The following RBP7 variants were observed in gnomAD, a reference collection of about 807,000 sequenced individuals.
The protein encoded by RBP7 is retinoid-binding protein 7.
Under a neutral mutation model 16.7 loss-of-function variants are expected in RBP7, and 13 were observed. The observed-to-expected ratio is 0.78, with a 90% CI of 0.51 to 1.24. The LOEUF (loss-of-function observed/expected upper bound fraction) is 1.24, where lower values mean the gene tolerates loss of function less well. Among genes scored for constraint, RBP7 ranks in the 50% most tolerant of loss-of-function variants. The pLI is 0.00. For missense variants in RBP7, 145 were observed against 159.5 expected (o/e 0.91, Z 0.49); for synonymous variants, 54 against 56.2 (o/e 0.96, Z 0.17).
Position 9,997,401 on chromosome 1 carries a change from G to A in RBP7, c.73+70G>A. The A allele has an allele frequency of 1.3e-6, 2 of 1,484,944 alleles. No individual in the cohort carries two copies. The highest frequency in any genetic ancestry group is 1.9e-6 in the Non-Finnish European group (2 of 1,070,720). The allele number at this position is 1,484,944 out of a possible 1,614,324, so 92.0% of individuals were successfully genotyped here. A position where few individuals can be genotyped will look rare whatever the true frequency, so the allele number is the denominator to read the frequency against. On this transcript the variant is annotated intron_variant, in intron 1 of 3. Coordinates refer to ENST00000294435, the MANE Select transcript of RBP7 (RefSeq NM_052960.3). The surrounding 1 kb of genome is among the most constrained non-coding windows in gnomAD (Gnocchi z 5.9). ...TCTCGGGATCAGGCGAAGGCGGCCG[G>A]GCCGGGCCTGTAGGTACGTCCTCTG...
intron 1 of RBP7, among the ~76,000 whole-genome samples, chr1:10,001,102 G>T (rs538474963): frequency 2.0e-5 from 3 of 152,114 alleles, no homozygotes; most frequent in African/African-American, 7.2e-5. Flanking sequence ...GGTCAAATAA[G>T]TCACCAGCAA....
chr1:10,000,439 C>A (rs1414568041), intron 1 of RBP7, among the ~76,000 whole-genome samples: 1 of 151,704 alleles, frequency 6.6e-6, no homozygotes, highest in Non-Finnish European at 1.5e-5. Context: ...GAGGCTGAGG[C>A]ACGAGAATCG....
intron 3 of RBP7, among the ~76,000 whole-genome samples, chr1:10,012,659 A>T (rs983897150): frequency 2.8e-4 from 42 of 151,398 alleles, no homozygotes; most frequent in Admixed American, 7.3e-4. Flanking sequence ...AAGGCTGGGC[A>T]TGGTGGCTCA....
intron 3 of RBP7, among the ~76,000 whole-genome samples, chr1:10,014,576 A>G (rs1250707309): frequency 6.6e-6 from 1 of 151,810 alleles, no homozygotes; most frequent in Non-Finnish European, 1.5e-5. Context: ...TAGTACAGAC[A>G]GGGTTTTGCC....
chr1:10,002,197 G>A (rs2101732892), intron 1 of RBP7, among the ~76,000 whole-genome samples: 1 of 152,246 alleles, frequency 6.6e-6, no homozygotes, highest in South Asian at 2.1e-4. Context: ...AAGTGGCTTT[G>A]AGATTGAAGG....
intron 1 of RBP7, among the ~76,000 whole-genome samples, chr1:9,999,641 G>A (rs1642229724): frequency 6.6e-6 from 1 of 152,004 alleles, no homozygotes; most frequent in Admixed American, 6.6e-5. Context: ...TTCTGAGGTC[G>A]CCTATCCAGA....
At chr1:9,999,650 G>A (rs1642229778) in intron 1 of RBP7, among the ~76,000 whole-genome samples, 1 of 152,116 alleles carries the variant, frequency 6.6e-6, no homozygotes, top group Admixed American at 6.6e-5. Flanking sequence ...CGCCTATCCA[G>A]AAACCCTTAA....
Position 9,997,478 on chromosome 1 carries a change from G to T in RBP7, c.73+147G>T, listed in dbSNP as rs1181486390. The T allele has an allele frequency of 5.7e-5, 41 of 718,018 alleles. No individual in the cohort carries two copies. The highest frequency in any genetic ancestry group is 6.0e-5 in the Non-Finnish European group (26 of 435,544). The allele number at this position is 718,018 out of a possible 1,614,324, so 44.5% of individuals were successfully genotyped here. ...CCGTCGCCCAGTCGCCCCCGAGTCC[G>T]CTGGTCCTTGGCGCCTCCGTCCATC... On this transcript the variant is annotated intron_variant, in intron 1 of 3. Transcript: ENST00000294435. This position sits in a 1 kb window ranked among gnomAD's most constrained non-coding sequence, Gnocchi z 5.9.
intron 3 of RBP7, among the ~76,000 whole-genome samples, chr1:10,010,976 G>A (rs866754007): frequency 4.6e-5 from 7 of 152,004 alleles, no homozygotes; most frequent in East Asian, 3.9e-4. Context: ...TGATCTGCCC[G>A]CCTTGGCCTC....
At chr1:10,008,620 T>A (rs1419426873) in intron 3 of RBP7, among the ~76,000 whole-genome samples, 1 of 151,608 alleles carries the variant, frequency 6.6e-6, no homozygotes, top group African/African-American at 2.4e-5. Flanking sequence ...TTTGTATTTT[T>A]AGTGGAGACG....
intron 2 of RBP7, 79 bp from the exon 3 acceptor site, chr1:10,008,094 A>G: frequency 1.1e-6 from 1 of 908,130 alleles, no homozygotes; most frequent in Non-Finnish European, 1.8e-6. Flanking sequence ...TGATTTTGCA[A>G]GGGTAACTTG....
chr1:10,012,304 C>T (rs1642645756), intron 3 of RBP7, among the ~76,000 whole-genome samples: 1 of 151,492 alleles, frequency 6.6e-6, no homozygotes, highest in Admixed American at 6.6e-5. Flanking sequence ...TCGCTTGAAC[C>T]CGGGAGGCAG....
intron 1 of RBP7, among the ~76,000 whole-genome samples, chr1:10,002,782 G>T (rs1570730003): frequency 6.6e-6 from 1 of 152,118 alleles, no homozygotes; most frequent in Non-Finnish European, 1.5e-5. Context: ...GGAATTACAG[G>T]CCTGAGCCAC....
intron 3 of RBP7, among the ~76,000 whole-genome samples, chr1:10,012,480 G>A (rs1642651966): frequency 6.6e-6 from 1 of 152,128 alleles, no homozygotes; most frequent in African/African-American, 2.4e-5. Context: ...TAGTTGGTTT[G>A]TAAGAGGTAA....
At position 10,007,596 on chromosome 1, in the gene RBP7, GC is replaced by G. The variant is rs753697910; in HGVS notation, c.102del (p.Lys35SerfsTer3). 3.6e-5 allele frequency: 58 copies of G among 1,611,094 alleles called. No individual in the cohort carries two copies. Among genetic ancestry groups the G allele is most frequent in the Non-Finnish European group, 4.7e-5 (56 of 1,179,230 alleles). ...LGIDFATRKI[A>X]KLLKPQKVIE... ...TATTGACTTTGCCACTCGTAAAATAGCCAAGTTGCTGAAGCCACAGAAAGTG... is the reference window on the plus strand; with the variant it reads ...TATTGACTTTGCCACTCGTAAAATAGCAAGTTGCTGAAGCCACAGAAAGTG... On this transcript the variant is annotated frameshift_variant, in exon 2 of 4. Transcript: ENST00000294435. LOFTEE classifies it high-confidence loss of function.
rs1021780534 is a variant in RBP7, at chr1:10,003,420, C to T, written c.74-4150C>T. On this transcript the variant is annotated intron_variant, in intron 1 of 3. Coordinates refer to ENST00000294435, the MANE Select transcript of RBP7 (RefSeq NM_052960.3). ...TCCAGCCTGGGTGACAAGAGCAAAA[C>T]TCTGTCTGAATAAACAAACAAACAA... Among the ~76,000 whole-genome samples, 15 of 152,092 alleles carry T rather than the reference C, an allele frequency of 9.9e-5. No homozygotes were observed. The East Asian group carries it at 2.9e-3, about 29-fold the overall frequency.
Position 10,015,934 on chromosome 1 carries a change from G to C in RBP7, c.*102G>C. 1.8e-6 allele frequency: 2 copies of C among 1,098,540 alleles called. No homozygotes were observed. Among genetic ancestry groups the C allele is most frequent in the Non-Finnish European group, 2.7e-6 (2 of 728,272 alleles). The allele number at this position is 1,098,540 out of a possible 1,614,324, so 68.0% of individuals were successfully genotyped here. On this transcript the variant is annotated 3_prime_UTR_variant, in exon 4 of 4. Coordinates refer to ENST00000294435, the MANE Select transcript of RBP7 (RefSeq NM_052960.3). ...CTATCCCATTTGGCGACGAGGACTC[G>C]TGGCTGGAGAGAGCCACACAGCGTG...
At chr1:10,006,764 T>TATATATAGAG (rs1325127839) in intron 1 of RBP7, among the ~76,000 whole-genome samples, 10 of 141,472 alleles carry the variant, frequency 7.1e-5, no homozygotes, top group African/African-American at 2.7e-4. Flanking sequence ...TATATATATA[T>TATATATAGAG]AGAGAGAGAG....
At position 9,997,747 on chromosome 1, in the gene RBP7, G is replaced by A. The variant is rs1472256416; in HGVS notation, c.73+416G>A. On this transcript the variant is annotated intron_variant, in intron 1 of 3. Coordinates refer to ENST00000294435, the MANE Select transcript of RBP7 (RefSeq NM_052960.3). This position sits in a 1 kb window ranked among gnomAD's most constrained non-coding sequence, Gnocchi z 5.9. ...GTCCGGCCGGGGAGGGGGCGCCCGG[G>A]ACCGAAGCCTCTGCCCGGCCACCCT... is the stretch of plus-strand genomic sequence containing the variant. 1.3e-5 allele frequency among the ~76,000 whole-genome samples: 2 copies of A among 151,906 alleles called. No individual in the cohort carries two copies. Among genetic ancestry groups the A allele is most frequent in the African/African-American group, 4.8e-5 (2 of 41,406 alleles).
Sources: gnomAD v4.1 joint callset for allele counts (sites outside exome capture counted in the v4.1 genomes callset) on GRCh38, gnomAD v4.1.1 for gene constraint, Gnocchi (gnomAD v3.1) non-coding constraint, MANE v1.5 for transcripts, NCBI Gene and HGNC (gene_info 2026-07-23, HGNC 2026-07-21) for gene names.